Variants in MAD1L1 observed in about 807,000 individuals in gnomAD.
The protein encoded by MAD1L1 is mitotic arrest deficient 1 like 1.
In MAD1L1, 95 loss-of-function variants were observed where a neutral mutation model predicts 96.9. That is an observed-to-expected ratio of 0.98 (90% CI 0.83 to 1.16). The LOEUF (loss-of-function observed/expected upper bound fraction) is 1.16. MAD1L1 is among the 50% of genes most tolerant of loss of function. The probability of loss-of-function intolerance (pLI) is 0.00; values close to 1 mark genes in which losing one functional copy is unlikely to be tolerated. For missense variants in MAD1L1, 1,007 were observed against 954.4 expected, an observed-to-expected ratio of 1.06 and a Z score of -0.73; for synonymous variants, 473 against 396.6, an observed-to-expected ratio of 1.19 and a Z score of -2.29.
At chr7:2,156,821 CAA>C (rs796679600) in intron 10 of MAD1L1, among the ~76,000 whole-genome samples, 51 of 91,520 alleles carry the variant, frequency 5.6e-4, no homozygotes, top group Non-Finnish European at 8.2e-4. Context: ...GACTCCATCT[CAA>C]AAAAAAAAAA....
At chr7:2,229,450 G>T (rs925984965) in intron 3 of MAD1L1, among the ~76,000 whole-genome samples, 3 of 152,220 alleles carry the variant, frequency 2.0e-5, no homozygotes, top group African/African-American at 7.2e-5. Context: ...AACTTGTAAT[G>T]AAACAAAATA....
chr7:2,082,886 G>C (rs1326950474), intron 11 of MAD1L1, among the ~76,000 whole-genome samples: 1 of 152,228 alleles, frequency 6.6e-6, no homozygotes, highest in Admixed American at 6.5e-5. Context: ...CATTCGGCCT[G>C]TTTATTTTCC....
intron 16 of MAD1L1, among the ~76,000 whole-genome samples, chr7:1,946,469 T>C (rs994816538): frequency 6.6e-6 from 1 of 152,238 alleles, no homozygotes; most frequent in Non-Finnish European, 1.5e-5. Flanking sequence ...CTGCTAAAAT[T>C]TGTTGCCTTG....
chr7:2,056,994 C>T (rs1045705317), intron 12 of MAD1L1, among the ~76,000 whole-genome samples: 3 of 152,216 alleles, frequency 2.0e-5, no homozygotes, highest in African/African-American at 4.8e-5. Flanking sequence ...CAGCTCTCCC[C>T]GCAGTGACCT....
intron 11 of MAD1L1, among the ~76,000 whole-genome samples, chr7:2,140,297 C>T (rs1788964409): frequency 6.6e-6 from 1 of 152,208 alleles, no homozygotes; most frequent in South Asian, 2.1e-4. Context: ...AGCACCCCTC[C>T]AGCAGCCCCC....
chr7:1,972,684 T>C (rs866570199), intron 15 of MAD1L1, among the ~76,000 whole-genome samples: 4 of 152,176 alleles, frequency 2.6e-5, no homozygotes, highest in South Asian at 4.1e-4. Context: ...TTTTTGCTCA[T>C]GTTATTTCCT....
At chr7:1,959,321 T>G (rs1487609149) in intron 15 of MAD1L1, among the ~76,000 whole-genome samples, 2 of 152,152 alleles carry the variant, frequency 1.3e-5, no homozygotes, top group Non-Finnish European at 2.9e-5. Flanking sequence ...ATCACTGAGC[T>G]GTGGGACAGC....
At chr7:1,948,430 A>G (rs10950464) in intron 16 of MAD1L1, among the ~76,000 whole-genome samples, 130,948 of 152,232 alleles carry the variant, frequency 0.86, 57,666 homozygotes, top group Non-Finnish European at 0.96. Flanking sequence ...TTTCCCCAGC[A>G]GGACACGCCC....
At chr7:2,118,799 A>AT (rs1278936715) in intron 11 of MAD1L1, among the ~76,000 whole-genome samples, 1 of 152,192 alleles carries the variant, frequency 6.6e-6, no homozygotes, top group Non-Finnish European at 1.5e-5. Context: ...AAGCCACGTC[A>AT]TATCTCACAG....
intron 18 of MAD1L1, among the ~76,000 whole-genome samples, chr7:1,844,672 C>T (rs2128635240): frequency 6.6e-6 from 1 of 152,336 alleles, no homozygotes; most frequent in African/African-American, 2.4e-5. Context: ...GCCCAGCACT[C>T]CTTTCTCCAG....
At chr7:1,862,388 T>C (rs1784575481) in intron 18 of MAD1L1, among the ~76,000 whole-genome samples, 1 of 152,214 alleles carries the variant, frequency 6.6e-6, no homozygotes, top group East Asian at 1.9e-4. Flanking sequence ...AGGCCTTCCC[T>C]CCTCATGTCC....
chr7:1,847,747 C>T (rs1322094922), intron 18 of MAD1L1: 9 of 468,442 alleles, frequency 1.9e-5, no homozygotes, highest in East Asian at 6.9e-5. Context: ...GCCCGGGACA[C>T]GGAACACACT....
chr7:2,123,040 A>C (rs1384293132), intron 11 of MAD1L1, among the ~76,000 whole-genome samples: 2 of 152,184 alleles, frequency 1.3e-5, no homozygotes, highest in Admixed American at 6.5e-5. Context: ...GCAGTGGCTC[A>C]CACCTGTAAT....
Position 1,939,360 on chromosome 7 carries a change from GCGCACACACA to G in MAD1L1, c.1597-2473_1597-2464del, listed in dbSNP as rs1473664152. On this transcript the variant is annotated intron_variant, in intron 16 of 18. Coordinates refer to ENST00000265854, the MANE Select transcript of MAD1L1 (RefSeq NM_001013836.2). ...ACACAGGCCAGGGCTGGAGCCAGCG[GCGCACACACA>G]CGCACACACACGGGCCAGGGCTCCC... is the stretch of plus-strand genomic sequence containing the variant. 4.8e-4 allele frequency among the ~76,000 whole-genome samples: 72 copies of G among 150,146 alleles called. No individual in the cohort carries two copies. The Middle Eastern group carries it at 0.014, about 29-fold the overall frequency.
intron 11 of MAD1L1, among the ~76,000 whole-genome samples, chr7:2,099,777 G>A (rs1786683833): frequency 6.6e-6 from 1 of 152,242 alleles, no homozygotes; most frequent in South Asian, 2.1e-4. Context: ...TCTCAACCCT[G>A]CAGGGAGGAG....
intron 9 of MAD1L1, among the ~76,000 whole-genome samples, chr7:2,214,456 T>C (rs1391908208): frequency 6.6e-6 from 1 of 152,086 alleles, no homozygotes; most frequent in Non-Finnish European, 1.5e-5. Context: ...ATCACAGCTC[T>C]GAAGAGGACA....
At chr7:2,102,259 TCAC>T (rs1169970882) in intron 11 of MAD1L1, among the ~76,000 whole-genome samples, 36 of 124,238 alleles carry the variant, frequency 2.9e-4, no homozygotes, top group East Asian at 9.8e-4. Flanking sequence ...ACTGTCACCA[TCAC>T]CACCATCACT....
intron 11 of MAD1L1, among the ~76,000 whole-genome samples, chr7:2,093,962 G>A (rs376277263): frequency 6.6e-6 from 1 of 152,210 alleles, no homozygotes; most frequent in South Asian, 2.1e-4. Flanking sequence ...GCAGGGAGAG[G>A]ACAGGAACCT....
rs567199162 is a variant in MAD1L1, at chr7:2,027,088, C to T, written c.1219-12446G>A. Among the ~76,000 whole-genome samples the T allele has an allele frequency of 1.0e-3, 155 of 151,900 alleles. 1 individual carries two copies. The highest frequency in any genetic ancestry group is 3.6e-3 in the African/African-American group (148 of 41,418). On this transcript the variant is annotated intron_variant, in intron 12 of 18. Coordinates refer to ENST00000265854, the MANE Select transcript of MAD1L1 (RefSeq NM_001013836.2). ...AAACATGACAATAAACAACTTTACA[C>T]AAATGAATTTTAAAGTTTTGATAAA...
Sources: gnomAD v4.1 joint callset for allele counts (sites outside exome capture counted in the v4.1 genomes callset) on GRCh38, gnomAD v4.1.1 for gene constraint, MANE v1.5 for transcripts, NCBI Gene and HGNC (gene_info 2026-07-23, HGNC 2026-07-21) for gene names.